The following GUCY2F variants were observed in gnomAD, a reference collection of about 807,000 sequenced individuals.
GUCY2F encodes guanylate cyclase 2F, retinal, also known as retinal guanylyl cyclase 2.
In GUCY2F, 61 loss-of-function variants were observed where a neutral mutation model predicts 73.1. The observed-to-expected ratio is 0.83, with a 90% CI of 0.68 to 1.03. GUCY2F has a LOEUF of 1.03. Among genes scored for constraint, GUCY2F ranks in the 50% least tolerant of loss-of-function variants. GUCY2F has a pLI of 0.00. For missense variants in GUCY2F, 912 were observed against 854.3 expected (o/e 1.07, Z -0.84); for synonymous variants, 331 against 307.8 (o/e 1.08, Z -0.79).
intron 9 of GUCY2F, among the ~76,000 whole-genome samples, chrX:109,407,678 C>A (rs1931006863): frequency 8.8e-6 from 1 of 113,066 alleles, no homozygotes; most frequent in Admixed American, 9.2e-5. Flanking sequence ...GGACTTGGTT[C>A]CCTGTGTCCC....
At chrX:109,396,193 G>A (rs1227704585) in intron 11 of GUCY2F, among the ~76,000 whole-genome samples, 1 of 111,152 alleles carries the variant, frequency 9.0e-6, no homozygotes, top group African/African-American at 3.3e-5. Context: ...TTTGAACCCA[G>A]ACAATCTCAA....
intron 19 of GUCY2F, among the ~76,000 whole-genome samples, chrX:109,374,619 C>A (rs1488175900): frequency 9.1e-6 from 1 of 110,186 alleles, no homozygotes; most frequent in African/African-American, 3.3e-5. Flanking sequence ...AAACACTTTC[C>A]TACAGAGAGA....
chrX:109,393,113 A>T, intron 12 of GUCY2F, 58 bp from the exon 13 acceptor site: 1 of 627,835 alleles, frequency 1.6e-6, no homozygotes, highest in South Asian at 2.5e-5. Flanking sequence ...CTCAGAGATG[A>T]TGGAGCAGGT....
chrX:109,373,892 G>A (rs917929055), intron 19 of GUCY2F, among the ~76,000 whole-genome samples: 1 of 112,444 alleles, frequency 8.9e-6, no homozygotes, highest in African/African-American at 3.2e-5. Context: ...ATCAGGTGAC[G>A]TGTAGGGCCC....
chrX:109,464,504 A>AGTAT (rs1932425332), intron 3 of GUCY2F, among the ~76,000 whole-genome samples: 1 of 112,576 alleles, frequency 8.9e-6, no homozygotes, highest in African/African-American at 3.2e-5. Context: ...AGGAGAAGTA[A>AGTAT]GTATGTGTAG....
chrX:109,475,436 C>T lies in GUCY2F; in HGVS notation c.501G>A (p.Arg167=), dbSNP rs770909241. 4 of 1,211,353 alleles carry T rather than the reference C, an allele frequency of 3.3e-6. No homozygotes were observed. In the Admixed American group the frequency reaches 8.7e-5, roughly 26 times the overall value. ...DNKISYPTFS[R]TLPSPIRVLV... ...GCACCCGGATGGGAGAAGGGAGTGT[C>T]CGAGAAAAGGTCGGGTAGCTAATTT... Residue 167 remains arginine, a synonymous_variant, in exon 2 of 20, where the codon CGG becomes CGA. Coordinates refer to ENST00000218006, the MANE Select transcript of GUCY2F (RefSeq NM_001522.3).
intron 7 of GUCY2F, among the ~76,000 whole-genome samples, chrX:109,432,236 G>T (rs1225890968): frequency 9.0e-6 from 1 of 111,611 alleles, no homozygotes; most frequent in East Asian, 2.8e-4. Flanking sequence ...CCTTTTCCTC[G>T]TATTTATGGA....
intron 19 of GUCY2F, among the ~76,000 whole-genome samples, chrX:109,374,266 G>A (rs1386641863): frequency 8.9e-6 from 1 of 111,926 alleles, no homozygotes; most frequent in Non-Finnish European, 1.9e-5. Flanking sequence ...CCAAGGCCAT[G>A]TGGTCAGTTA....
rs987337797 is a variant in GUCY2F at position 109,465,036 on chromosome X, C to T, written c.1032+106G>A. The stretch of plus-strand genomic sequence containing the variant: ...TTTTTAATTTGTCTGTGGTTGCCTG[C>T]CATTGACTGGGCCTCCTATGGAATT... On this transcript the variant is annotated intron_variant, in intron 3 of 19. Transcript: ENST00000218006. The T allele has an allele frequency of 9.2e-6, 5 of 544,001 alleles. No individual in the cohort carries two copies. The African/African-American group carries it at 9.3e-5, about 10-fold the overall frequency. The allele number at this position is 544,001 out of a possible 1,213,427, so 44.8% of individuals were successfully genotyped here.
chrX:109,445,412 A>G (rs1350666114), intron 6 of GUCY2F, among the ~76,000 whole-genome samples: 1 of 112,303 alleles, frequency 8.9e-6, no homozygotes, highest in Non-Finnish European at 1.9e-5. Context: ...AAGCTAAACT[A>G]TTGCTCCAAG....
At chrX:109,398,751 T>C in intron 10 of GUCY2F, 53 bp from the exon 11 acceptor site, 3 of 1,075,560 alleles carry the variant, frequency 2.8e-6, no homozygotes, top group Non-Finnish European at 3.9e-6. Flanking sequence ...TGACAATATC[T>C]GCAATGCCCT....
chrX:109,452,380 G>A (rs1349587354), intron 4 of GUCY2F, among the ~76,000 whole-genome samples: 5 of 112,214 alleles, frequency 4.5e-5, no homozygotes, highest in African/African-American at 1.6e-4. Flanking sequence ...GGAGGAAAGA[G>A]TCCACAAATG....
At chrX:109,435,703 G>A (rs981344119) in intron 7 of GUCY2F, among the ~76,000 whole-genome samples, 3 of 111,125 alleles carry the variant, frequency 2.7e-5, no homozygotes, top group African/African-American at 6.6e-5. Flanking sequence ...CCTGTCTTGT[G>A]CCAGTTTTCA....
At position 109,476,091 on chromosome X, in the gene GUCY2F, A is replaced by G. The variant is rs1331722791; in HGVS notation, c.-85-70T>C. On this transcript the variant is annotated intron_variant, in intron 1 of 19. Transcript: ENST00000218006. ...GCTTCTGGAAATCATCGGTTGTGAA[A>G]GAATGGCAAAAAAAAAAAAAAAATG... 6.9e-6 allele frequency: 3 copies of G among 432,747 alleles called. No individual in the cohort carries two copies. In the African/African-American group the frequency reaches 9.6e-5, roughly 14 times the overall value. 35.7% of individuals were successfully genotyped at this position (432,747 alleles called of 1,213,427 possible).
intron 8 of GUCY2F, among the ~76,000 whole-genome samples, chrX:109,421,179 T>C (rs773661161): frequency 9.0e-6 from 1 of 111,382 alleles, no homozygotes; most frequent in African/African-American, 3.2e-5. Flanking sequence ...GCAACTGCTA[T>C]GGAAAACAGT....
At chrX:109,461,956 T>C (rs983557963) in intron 3 of GUCY2F, among the ~76,000 whole-genome samples, 2 of 112,636 alleles carry the variant, frequency 1.8e-5, no homozygotes, top group African/African-American at 6.5e-5. Context: ...CTACATAATT[T>C]GATCTGAGAA....
Position 109,391,944 on chromosome X carries a change from A to G in GUCY2F, c.2748T>C (p.Phe916=). The G allele has an allele frequency of 8.3e-7, 1 of 1,205,023 alleles. No homozygotes were observed. The highest frequency in any genetic ancestry group is 1.1e-6 in the Non-Finnish European group (1 of 891,254). Residue 916 remains phenylalanine, a synonymous_variant, in exon 14 of 20, where the codon TTT becomes TTC. Transcript: ENST00000218006. ...VDLLNDLYTL[F]DAIIGSHDVY... is the part of the protein sequence containing the mutation. ...CATCATGACTGCCAATTATTGCATCAAAGAGTGTGTACAGGTCATTCAGAA... is the reference window on the plus strand; with the variant it reads ...CATCATGACTGCCAATTATTGCATCGAAGAGTGTGTACAGGTCATTCAGAA...
chrX:109,423,484 G>GA (rs1931413202), intron 8 of GUCY2F, among the ~76,000 whole-genome samples: 1 of 110,518 alleles, frequency 9.0e-6, no homozygotes, highest in Admixed American at 9.6e-5. Flanking sequence ...AGGTATAGAT[G>GA]AAAAAATACA....
chrX:109,443,278 T>A (rs1308646584), intron 6 of GUCY2F, among the ~76,000 whole-genome samples: 5 of 110,902 alleles, frequency 4.5e-5, no homozygotes, highest in African/African-American at 1.6e-4. Context: ...GCCAAAATAG[T>A]AAAAAAAATA....
Sources: gnomAD v4.1 joint callset for allele counts (sites outside exome capture counted in the v4.1 genomes callset) on GRCh38, gnomAD v4.1.1 for gene constraint, MANE v1.5 for transcripts, NCBI Gene and HGNC (gene_info 2026-07-23, HGNC 2026-07-21) for gene names.